AVEN: variants seen among roughly 807,000 people sequenced by gnomAD.
AVEN encodes cell death regulator Aven.
In AVEN, 41 loss-of-function variants were observed where a neutral mutation model predicts 38.1. The ratio of observed to expected loss-of-function variants is 1.08; its 90% CI spans 0.84 to 1.40. The LOEUF (loss-of-function observed/expected upper bound fraction) is 1.40. AVEN is among the 40% of genes most tolerant of loss of function. The pLI is 0.00. For synonymous variants in AVEN, 206 were observed against 171.8 expected (o/e 1.20, Z -1.56); for missense variants, 605 against 438.8 (o/e 1.38, Z -3.38).
intron 3 of AVEN, among the ~76,000 whole-genome samples, chr15:33,874,490 C>T (rs908047052): frequency 9.9e-5 from 15 of 152,124 alleles, no homozygotes; most frequent in African/African-American, 3.4e-4. Context: ...CACCAAGACC[C>T]GTTCAAATGA....
chr15:33,876,082 A>C (rs573103570), intron 2 of AVEN, 87 bp from the exon 3 acceptor site: 1 of 1,244,772 alleles, frequency 8.0e-7, no homozygotes, highest in African/African-American at 1.5e-5. Flanking sequence ...CAAAAGTGCC[A>C]TTTCTGAAGT....
At chr15:33,859,619 C>A (rs1426413959) in intron 11 of AVEN, 1 of 1,614,008 alleles carries the variant, frequency 6.2e-7, no homozygotes, top group East Asian at 2.2e-5. Context: ...CAGGAGGTGG[C>A]ATTGGTGATG....
intron 2 of AVEN, among the ~76,000 whole-genome samples, chr15:33,901,029 G>A (rs1337002236): frequency 6.6e-5 from 10 of 152,290 alleles, no homozygotes; most frequent in South Asian, 6.2e-4. Flanking sequence ...GACTTTGGGA[G>A]GCCAAGGCAG....
intron 1 of AVEN, among the ~76,000 whole-genome samples, chr15:34,012,498 T>C (rs919701021): frequency 1.3e-5 from 2 of 152,230 alleles, no homozygotes; most frequent in African/African-American, 4.8e-5. Flanking sequence ...CAGGTACATC[T>C]GCCTCTCTGT....
intron 2 of AVEN, among the ~76,000 whole-genome samples, chr15:33,996,315 T>C (rs1597328199): frequency 6.6e-6 from 1 of 152,320 alleles, no homozygotes; most frequent in East Asian, 1.9e-4. Context: ...CTGACAGCTC[T>C]GAAGAGAGGT....
chr15:33,877,168 A>G (rs556933992), intron 2 of AVEN, among the ~76,000 whole-genome samples: 1 of 152,232 alleles, frequency 6.6e-6, no homozygotes, highest in South Asian at 2.1e-4. Flanking sequence ...AACTGAGGAA[A>G]AGAACCAACA....
chr15:33,861,074 T>G, intron 11 of AVEN: 1 of 1,575,740 alleles, frequency 6.3e-7, no homozygotes, highest in Non-Finnish European at 8.6e-7. Flanking sequence ...GTTATTTTTC[T>G]TAGACTAAAT....
chr15:33,896,593 C>T (rs1045988413), intron 2 of AVEN, among the ~76,000 whole-genome samples: 1 of 152,120 alleles, frequency 6.6e-6, no homozygotes, highest in African/African-American at 2.4e-5. Flanking sequence ...ACACCCACCA[C>T]GGCCAATTTC....
chr15:33,892,486 C>A (rs1435059637), intron 2 of AVEN, among the ~76,000 whole-genome samples: 1 of 151,922 alleles, frequency 6.6e-6, no homozygotes, highest in African/African-American at 2.4e-5. Context: ...AATAGGGAAT[C>A]CTTTCCCCAT....
At chr15:33,934,134 G>C (rs1410319167) in intron 2 of AVEN, among the ~76,000 whole-genome samples, 2 of 151,790 alleles carry the variant, frequency 1.3e-5, no homozygotes, top group Non-Finnish European at 2.9e-5. Context: ...TAGCATTTGG[G>C]AAGTCAAGGC....
intron 5 of AVEN, among the ~76,000 whole-genome samples, chr15:34,056,034 T>C (rs1597391812): frequency 6.6e-6 from 1 of 152,192 alleles, no homozygotes; most frequent in Non-Finnish European, 1.5e-5. Context: ...GGTATTGTTA[T>C]ACGTGTTTAA....
chr15:33,857,078 T>G (rs1218037651), downstream of AVEN, among the ~76,000 whole-genome samples: 1 of 152,164 alleles, frequency 6.6e-6, no homozygotes, highest in Non-Finnish European at 1.5e-5. Flanking sequence ...ACCTGCACTA[T>G]TCAATACTTA....
chr15:33,862,482 CG>C (rs1888652976), downstream of AVEN, among the ~76,000 whole-genome samples: 1 of 152,158 alleles, frequency 6.6e-6, no homozygotes, highest in African/African-American at 2.4e-5. Flanking sequence ...GCTGGGATTA[CG>C]GGTGTGAGCC....
chr15:33,917,050 G>T (rs556353481), intron 2 of AVEN, among the ~76,000 whole-genome samples: 1 of 151,978 alleles, frequency 6.6e-6, no homozygotes, highest in Non-Finnish European at 1.5e-5. Context: ...AGCTCCCACT[G>T]GGTCTCTCCC....
At chr15:33,888,460 A>G (rs1236136492) in intron 2 of AVEN, among the ~76,000 whole-genome samples, 3 of 152,198 alleles carry the variant, frequency 2.0e-5, no homozygotes, top group African/African-American at 7.2e-5. Flanking sequence ...AGAAGGGCCA[A>G]AATCAGAAAG....
chr15:33,854,426 C>T (rs772773041), downstream of AVEN: 3 of 1,575,928 alleles, frequency 1.9e-6, no homozygotes, highest in South Asian at 2.3e-5. Flanking sequence ...TATCTGGAAG[C>T]TTGGAGTTGT....
intron 5 of AVEN, among the ~76,000 whole-genome samples, chr15:34,056,920 T>A (rs536225861): frequency 3.9e-5 from 6 of 152,142 alleles, no homozygotes; most frequent in African/African-American, 1.4e-4. Flanking sequence ...ATGCCTGTAG[T>A]CCCAGCCACT....
At chr15:33,948,115 T>C (rs933161209) in intron 2 of AVEN, among the ~76,000 whole-genome samples, 1 of 150,480 alleles carries the variant, frequency 6.6e-6, no homozygotes, top group Non-Finnish European at 1.5e-5. Flanking sequence ...TTTTTTTTTT[T>C]GAGATGGAGT....
At chr15:34,045,427 C>G (rs1475695077) in intron 5 of AVEN, among the ~76,000 whole-genome samples, 1 of 152,190 alleles carries the variant, frequency 6.6e-6, no homozygotes, top group East Asian at 1.9e-4. Flanking sequence ...AATGCAAGTC[C>G]AGAACCTCCC....
Sources: allele counts gnomAD v4.1 joint callset (sites outside exome capture counted in the v4.1 genomes callset), GRCh38; gene constraint gnomAD v4.1.1; transcripts MANE v1.5; gene names NCBI Gene and HGNC (gene_info 2026-07-23, HGNC 2026-07-21).